RAP1GAP2: variants seen among roughly 807,000 people sequenced by gnomAD.
RAP1GAP2 encodes rap1 GTPase-activating protein 2.
RAP1GAP2 carries 27 observed loss-of-function variants against 95.0 expected under a neutral mutation model. The ratio of observed to expected loss-of-function variants is 0.28; its 90% CI spans 0.21 to 0.39. The LOEUF is 0.39. RAP1GAP2 is among the 10% of genes least tolerant of loss of function. The pLI is 1.00. For missense variants in RAP1GAP2, 771 were observed against 970.0 expected, an observed-to-expected ratio of 0.79 and a Z score of 2.72; for synonymous variants, 373 against 380.9, an observed-to-expected ratio of 0.98 and a Z score of 0.24.
intron 13 of RAP1GAP2, among the ~76,000 whole-genome samples, 183 bp downstream of exon 13, chr17:2,995,649 G>C (rs370722916): frequency 6.6e-6 from 1 of 152,192 alleles, no homozygotes. Flanking sequence ...GTGCCTCAGC[G>C]GTCCGTTCTG....
chr17:3,021,295 T>C (rs1157738835), intron 19 of RAP1GAP2, among the ~76,000 whole-genome samples: 1 of 152,162 alleles, frequency 6.6e-6, no homozygotes, highest in Non-Finnish European at 1.5e-5. Flanking sequence ...TGTATTTTTG[T>C]ACCCATTAAC....
At chr17:2,880,897 C>T (rs915822477) in intron 2 of RAP1GAP2, among the ~76,000 whole-genome samples, 4 of 152,082 alleles carry the variant, frequency 2.6e-5, no homozygotes, top group African/African-American at 4.8e-5. Flanking sequence ...GAGGCCGAGG[C>T]GGGTGGATCA....
chr17:2,997,486 C>T (rs765891216), intron 13 of RAP1GAP2, among the ~76,000 whole-genome samples: 6 of 152,192 alleles, frequency 3.9e-5, no homozygotes, highest in Non-Finnish European at 5.9e-5. Context: ...ACAGGCTCTA[C>T]CAGGGCAAGA....
intron 2 of RAP1GAP2, among the ~76,000 whole-genome samples, chr17:2,861,264 G>A (rs371611922): frequency 6.6e-6 from 1 of 151,846 alleles, no homozygotes; most frequent in Non-Finnish European, 1.5e-5. Context: ...TTTACTGATC[G>A]TATCTAGTGT....
intron 2 of RAP1GAP2, among the ~76,000 whole-genome samples, chr17:2,841,095 C>T (rs1478055414): frequency 6.6e-6 from 1 of 151,744 alleles, no homozygotes; most frequent in East Asian, 2.0e-4. Context: ...GCAGAGGTTG[C>T]AGTGAGCCGA....
intron 3 of RAP1GAP2, among the ~76,000 whole-genome samples, chr17:2,926,876 CAT>C (rs2042971485): frequency 6.6e-6 from 1 of 151,590 alleles, no homozygotes; most frequent in Non-Finnish European, 1.5e-5. Flanking sequence ...TGTGGTGGTG[CAT>C]GCCTGTAGTC....
intron 11 of RAP1GAP2, among the ~76,000 whole-genome samples, chr17:2,987,406 C>T (rs1389239066): frequency 6.6e-6 from 1 of 151,880 alleles, no homozygotes; most frequent in Non-Finnish European, 1.5e-5. Flanking sequence ...TCTTGTTGCC[C>T]AAGCTGGAGT....
chr17:2,942,850 C>A (rs2043547970), intron 3 of RAP1GAP2, among the ~76,000 whole-genome samples: 1 of 152,104 alleles, frequency 6.6e-6, no homozygotes, highest in South Asian at 2.1e-4. Context: ...TCACTGCAAC[C>A]TCCGCCTCCT....
intron 2 of RAP1GAP2, among the ~76,000 whole-genome samples, chr17:2,863,456 G>C (rs370859699): frequency 6.6e-6 from 1 of 152,324 alleles, no homozygotes; most frequent in Admixed American, 6.5e-5. Flanking sequence ...TCGGCCCCAT[G>C]TGTGTCCTGA....
intron 3 of RAP1GAP2, among the ~76,000 whole-genome samples, chr17:2,922,624 T>C (rs1364032096): frequency 6.6e-6 from 1 of 152,074 alleles, no homozygotes; most frequent in Non-Finnish European, 1.5e-5. Context: ...CAGCTCCAGC[T>C]CGCACAAATG....
chr17:2,931,121 C>CAAAA (rs67067799), intron 3 of RAP1GAP2, among the ~76,000 whole-genome samples: 3 of 67,152 alleles, frequency 4.5e-5, no homozygotes, highest in Admixed American at 1.7e-4. Context: ...GACTCCATCT[C>CAAAA]AAAAAAAAAA....
intron 2 of RAP1GAP2, among the ~76,000 whole-genome samples, chr17:2,861,530 T>G (rs898681780): frequency 6.7e-6 from 1 of 149,204 alleles, no homozygotes; most frequent in Non-Finnish European, 1.5e-5. Flanking sequence ...TGCAATGGCG[T>G]GATCTGGGTT....
chr17:2,971,504 G>A (rs1222602385), intron 8 of RAP1GAP2, among the ~76,000 whole-genome samples: 1 of 152,162 alleles, frequency 6.6e-6, no homozygotes, highest in African/African-American at 2.4e-5. Context: ...GGCGGCTGAG[G>A]CAGGAGGGTC....
intron 1 of RAP1GAP2, among the ~76,000 whole-genome samples, chr17:2,778,286 T>TG (rs1247096513): frequency 1.5e-5 from 1 of 64,934 alleles, no homozygotes; most frequent in Non-Finnish European, 3.1e-5. Flanking sequence ...GGGATGGGGC[T>TG]GGGGGGCCTG....
At chr17:2,883,023 T>C (rs892402391) in intron 2 of RAP1GAP2, among the ~76,000 whole-genome samples, 10 of 152,182 alleles carry the variant, frequency 6.6e-5, no homozygotes, top group Non-Finnish European at 1.5e-5. Context: ...GTCCTGGGCT[T>C]GGGCAGCCCC....
chr17:2,781,891 C>G (rs1280948470), intron 1 of RAP1GAP2, among the ~76,000 whole-genome samples: 4 of 150,250 alleles, frequency 2.7e-5, no homozygotes, highest in South Asian at 2.1e-4. Flanking sequence ...TGTGTGTGCA[C>G]GTCTCTGTGT....
At chr17:2,938,827 A>G (rs2043384403) in intron 3 of RAP1GAP2, among the ~76,000 whole-genome samples, 1 of 151,892 alleles carries the variant, frequency 6.6e-6, no homozygotes, top group African/African-American at 2.4e-5. Flanking sequence ...TCTCTACTAA[A>G]AATACGAAAA....
chr17:3,018,222 C>A (rs753283621), intron 18 of RAP1GAP2, 24 bp downstream of exon 18: 14 of 1,540,942 alleles, frequency 9.1e-6, no homozygotes, highest in Non-Finnish European at 1.2e-5. Context: ...GGCCCCGGGG[C>A]GGCAAGTGGG....
intron 18 of RAP1GAP2, among the ~76,000 whole-genome samples, chr17:3,020,222 C>T (rs1442299436): frequency 2.0e-5 from 3 of 152,228 alleles, no homozygotes; most frequent in African/African-American, 7.2e-5. Flanking sequence ...CCCTGTGTTC[C>T]TCCAACAGTT....
Sources: allele counts gnomAD v4.1 joint callset (sites outside exome capture counted in the v4.1 genomes callset), GRCh38; gene constraint gnomAD v4.1.1; transcripts MANE v1.5; gene names NCBI Gene and HGNC (gene_info 2026-07-23, HGNC 2026-07-21).